The following FYB2 variants were observed in gnomAD, a reference collection of about 807,000 sequenced individuals.
FYB2 encodes the protein FYN-binding protein 2.
In FYB2, 103 loss-of-function variants were observed where a neutral mutation model predicts 94.1. The ratio of observed to expected loss-of-function variants is 1.09; its 90% CI spans 0.93 to 1.29. The LOEUF is 1.29. Among genes scored for constraint, FYB2 ranks in the 50% most tolerant of loss-of-function variants. FYB2 has a pLI of 0.00. For synonymous variants in FYB2, 293 were observed against 287.9 expected, an observed-to-expected ratio of 1.02 and a Z score of -0.18; for missense variants, 896 against 841.5, an observed-to-expected ratio of 1.06 and a Z score of -0.80.
chr1:56,771,257 G>A (rs1299308425), intron 4 of FYB2, among the ~76,000 whole-genome samples: 1 of 152,114 alleles, frequency 6.6e-6, no homozygotes, highest in Non-Finnish European at 1.5e-5. Flanking sequence ...AAATTGGGAT[G>A]TGTTCATATG....
chr1:56,789,712 C>T lies in FYB2; in HGVS notation c.758-578G>A, dbSNP rs112885872. On this transcript the variant is annotated intron_variant, in intron 2 of 19. Transcript: ENST00000343433. ...ATACCCTTACATCAATATCATGGCA[C>T]ATTGGAGGCACTGGTCTATGTTCCC... is the stretch of plus-strand genomic sequence containing the variant. 8.1e-4 allele frequency among the ~76,000 whole-genome samples: 123 copies of T among 152,262 alleles called. 1 individual carries two copies. The highest frequency in any genetic ancestry group is 2.9e-3 in the African/African-American group (120 of 41,552).
At chr1:56,749,953 A>G (rs1490166919) in intron 9 of FYB2, among the ~76,000 whole-genome samples, 1 of 152,020 alleles carries the variant, frequency 6.6e-6, no homozygotes, top group Non-Finnish European at 1.5e-5. Context: ...TGTTTTAGTC[A>G]AGAGAGTCAT....
intron 17 of FYB2, among the ~76,000 whole-genome samples, chr1:56,721,044 A>G (rs1314499143): frequency 6.6e-6 from 1 of 152,076 alleles, no homozygotes; most frequent in African/African-American, 2.4e-5. Context: ...AAGTAGTAGG[A>G]ATTGACTGTA....
chr1:56,723,857 G>A (rs963837075), intron 16 of FYB2, among the ~76,000 whole-genome samples, 176 bp from the exon 17 acceptor site: 1 of 149,426 alleles, frequency 6.7e-6, no homozygotes, highest in African/African-American at 2.5e-5. Flanking sequence ...GTACACACAC[G>A]TATGTAGGTT....
chr1:56,746,248 T>TATTTGA (rs1237868257), intron 9 of FYB2, among the ~76,000 whole-genome samples: 1 of 152,028 alleles, frequency 6.6e-6, no homozygotes, highest in Non-Finnish European at 1.5e-5. Context: ...GTACTTAATA[T>TATTTGA]ATTTGAATTT....
intron 3 of FYB2, among the ~76,000 whole-genome samples, chr1:56,787,532 C>G (rs960109301): frequency 1.3e-5 from 2 of 152,360 alleles, no homozygotes; most frequent in East Asian, 1.9e-4. Context: ...GAGATTATAG[C>G]TGCTCAATGT....
At chr1:56,821,948 A>G (rs1646995370), upstream of FYB2, among the ~76,000 whole-genome samples, 2 of 152,186 alleles carry the variant, frequency 1.3e-5, no homozygotes, top group Non-Finnish European at 2.9e-5. Flanking sequence ...ACTACACCTT[A>G]TGAATAAATA....
At chr1:56,722,587 C>T (rs956403560) in intron 17 of FYB2, among the ~76,000 whole-genome samples, 36 of 151,772 alleles carry the variant, frequency 2.4e-4, no homozygotes, top group African/African-American at 8.2e-4. Context: ...CAAAGGTGTA[C>T]CAGAGAGTTG....
intron 5 of FYB2, 67 bp downstream of exon 5, chr1:56,767,762 A>G (rs1461691719): frequency 8.1e-7 from 1 of 1,228,180 alleles, no homozygotes; most frequent in East Asian, 2.4e-5. Context: ...GCTAAAGGGA[A>G]AATATCATTT....
rs545569005 is a variant in FYB2 at position 56,734,235 on chromosome 1, C to T, written c.1793+2852G>A. On this transcript the variant is annotated intron_variant, in intron 15 of 19. Coordinates refer to ENST00000343433, the MANE Select transcript of FYB2 (RefSeq NM_001004303.5). ...GTTTTATCTGACGCTAGGATTGCAA[C>T]CCCTGCTTTTTTTGCTTTCCATTTT... Among the ~76,000 whole-genome samples the T allele has an allele frequency of 9.9e-5, 15 of 152,096 alleles. 1 individual carries two copies. The highest frequency in any genetic ancestry group is 6.2e-4 in the South Asian group (3 of 4,808).
intron 9 of FYB2, among the ~76,000 whole-genome samples, chr1:56,748,340 G>A (rs1346662664): frequency 6.6e-6 from 1 of 152,016 alleles, no homozygotes; most frequent in Non-Finnish European, 1.5e-5. Flanking sequence ...GTCCTGAATG[G>A]TATTGCCTAG....
chr1:56,720,026 A>G lies in FYB2; in HGVS notation c.2161T>C (p.Phe721Leu). The change falls in exon 19 of 20, where the codon TTC (phenylalanine) becomes CTC (leucine). Residue 721 changes from phenylalanine to leucine, a missense_variant. Transcript: ENST00000343433. ...GTATAAAATCAAACAGCTTACTTGA[A>G]ATCTAGATGTTCAATGAGCACATAT... Reference protein sequence around the residue: ...YGYVLIEHLDFKHQSWSP With the variant: ...YGYVLIEHLDLKHQSWSP The G allele has an allele frequency of 6.2e-7, 1 of 1,600,600 alleles. No homozygotes were observed. The highest frequency in any genetic ancestry group is 8.5e-7 in the Non-Finnish European group (1 of 1,173,552).
At chr1:56,750,286 C>T (rs1343251256) in intron 9 of FYB2, among the ~76,000 whole-genome samples, 1 of 152,004 alleles carries the variant, frequency 6.6e-6, no homozygotes, top group Non-Finnish European at 1.5e-5. Context: ...AGTAGTATCA[C>T]CATTTGCACA....
intron 15 of FYB2, among the ~76,000 whole-genome samples, chr1:56,729,705 T>A (rs957256960): frequency 6.6e-6 from 1 of 152,116 alleles, no homozygotes; most frequent in African/African-American, 2.4e-5. Context: ...CTACAGAACA[T>A]GTTACTCATG....
intron 4 of FYB2, among the ~76,000 whole-genome samples, chr1:56,779,451 C>T (rs564387196): frequency 1.1e-4 from 17 of 152,126 alleles, no homozygotes; most frequent in African/African-American, 3.4e-4. Context: ...TGTGAGTCCC[C>T]GCTCTCACAT....
At chr1:56,770,881 T>C (rs1228077151) in intron 4 of FYB2, among the ~76,000 whole-genome samples, 5 of 152,180 alleles carry the variant, frequency 3.3e-5, no homozygotes, top group Non-Finnish European at 5.9e-5. Flanking sequence ...GGTAAACTCC[T>C]AACCTCATAG....
At chr1:56,796,798 G>A (rs1343095970) in intron 1 of FYB2, among the ~76,000 whole-genome samples, 1 of 152,116 alleles carries the variant, frequency 6.6e-6, no homozygotes, top group African/African-American at 2.4e-5. Flanking sequence ...AACTTTGAAT[G>A]TGCTGCCTGC....
chr1:56,750,039 T>G (rs1345004599), intron 9 of FYB2, among the ~76,000 whole-genome samples: 2 of 151,988 alleles, frequency 1.3e-5, no homozygotes, highest in Admixed American at 1.3e-4. Flanking sequence ...TTAAATTGGG[T>G]TTCTCCTGTG....
chr1:56,744,511 A>C (rs1343334955), intron 9 of FYB2, among the ~76,000 whole-genome samples: 1 of 152,006 alleles, frequency 6.6e-6, no homozygotes, highest in East Asian at 1.9e-4. Flanking sequence ...GCAAGGATTA[A>C]ATACATATTT....
Sources: gnomAD v4.1 joint callset for allele counts (sites outside exome capture counted in the v4.1 genomes callset) on GRCh38, gnomAD v4.1.1 for gene constraint, MANE v1.5 for transcripts, NCBI Gene and HGNC (gene_info 2026-07-23, HGNC 2026-07-21) for gene names.